UNC13C: variants seen among roughly 807,000 people sequenced by gnomAD.
The protein encoded by UNC13C is protein unc-13 homolog C.
Under a neutral mutation model 245.4 loss-of-function variants are expected in UNC13C, and 174 were observed. The observed-to-expected ratio is 0.71, with a 90% CI of 0.63 to 0.80. The LOEUF (loss-of-function observed/expected upper bound fraction) is 0.80. Ranked by LOEUF, UNC13C falls within the 30% of genes least tolerant of loss-of-function variation. UNC13C has a pLI of 0.00. For missense variants in UNC13C, 2,829 were observed against 2,602.9 expected (o/e 1.09, Z -1.89); for synonymous variants, 992 against 895.1 (o/e 1.11, Z -1.93).
chr15:53,985,952 C>T (rs983061455), intron 1 of UNC13C, among the ~76,000 whole-genome samples: 21 of 151,998 alleles, frequency 1.4e-4, no homozygotes, highest in South Asian at 4.1e-4. Flanking sequence ...CTGAGCACAT[C>T]GAATGTGTTT....
intron 20 of UNC13C, among the ~76,000 whole-genome samples, chr15:54,496,430 A>G (rs995859578): frequency 6.6e-6 from 1 of 152,138 alleles, no homozygotes; most frequent in Non-Finnish European, 1.5e-5. Context: ...CATTTAATCC[A>G]GCAATCCCAC....
chr15:54,147,820 G>A (rs970873400), intron 4 of UNC13C, among the ~76,000 whole-genome samples: 12 of 151,736 alleles, frequency 7.9e-5, no homozygotes, highest in African/African-American at 2.7e-4. Flanking sequence ...GTATGTGTGT[G>A]TCTATTCTCT....
chr15:54,487,986 G>A (rs976663913), intron 19 of UNC13C, among the ~76,000 whole-genome samples: 3 of 151,120 alleles, frequency 2.0e-5, no homozygotes, highest in Non-Finnish European at 4.4e-5. Context: ...ACTTTTGGCA[G>A]CCAGGATTTT....
chr15:54,595,862 T>C (rs11631067), intron 30 of UNC13C, among the ~76,000 whole-genome samples: 21,762 of 152,248 alleles, frequency 0.14, 1,628 homozygotes, highest in Middle Eastern at 0.24. Flanking sequence ...TATAGAAATG[T>C]AGCCAAATAA....
At chr15:53,975,788 G>T (rs1365288134), upstream of UNC13C, among the ~76,000 whole-genome samples, 1 of 152,166 alleles carries the variant, frequency 6.6e-6, no homozygotes, top group African/African-American at 2.4e-5. Context: ...TGGTACCCTA[G>T]AGGTTTTATT....
intron 18 of UNC13C, among the ~76,000 whole-genome samples, chr15:54,407,155 T>C (rs1461610790): frequency 6.6e-6 from 1 of 152,188 alleles, no homozygotes; most frequent in East Asian, 1.9e-4. Flanking sequence ...TGATGGCCTG[T>C]GTTTTTAAAA....
At chr15:53,932,222 T>C in the UNC13C span, among the ~76,000 whole-genome samples, 2 of 151,952 alleles carry the variant, frequency 1.3e-5, no homozygotes, top group African/African-American at 4.8e-5. Context: ...GGCAGGAGAA[T>C]CGCTTGAACC....
At chr15:53,909,285 C>G in the UNC13C span, among the ~76,000 whole-genome samples, 8 of 146,202 alleles carry the variant, frequency 5.5e-5, no homozygotes, top group African/African-American at 2.0e-4. Flanking sequence ...TTTTTTTAAC[C>G]ATTTTATCAT....
chr15:54,243,634 A>T (rs1254248489), intron 7 of UNC13C, among the ~76,000 whole-genome samples: 1 of 152,118 alleles, frequency 6.6e-6, no homozygotes, highest in Non-Finnish European at 1.5e-5. Flanking sequence ...CCATGCCAGC[A>T]TCTGTTGTTT....
chr15:54,029,842 G>A (rs1896281502), intron 2 of UNC13C, among the ~76,000 whole-genome samples: 1 of 152,104 alleles, frequency 6.6e-6, no homozygotes, highest in Non-Finnish European at 1.5e-5. Flanking sequence ...AGAGCATATG[G>A]TCATGCTCAG....
chr15:53,880,696 CTTTT>C, the UNC13C span, among the ~76,000 whole-genome samples: 1 of 141,400 alleles, frequency 7.1e-6, no homozygotes. Flanking sequence ...GCTTTGTCAT[CTTTT>C]TTTTTTTTTT....
intron 13 of UNC13C, 113 bp from the exon 14 acceptor site, chr15:54,321,826 C>G: frequency 1.0e-5 from 11 of 1,079,274 alleles, no homozygotes; most frequent in Non-Finnish European, 1.4e-5. Context: ...GTGCAGTTTT[C>G]TCTCCTTTTC....
chr15:53,989,207 C>G (rs1252735122), intron 1 of UNC13C, among the ~76,000 whole-genome samples: 2 of 151,794 alleles, frequency 1.3e-5, no homozygotes, highest in Admixed American at 1.3e-4. Context: ...AAATTGTGAT[C>G]AAATATTTCT....
At chr15:54,514,840 T>A (rs531453853) in intron 24 of UNC13C, among the ~76,000 whole-genome samples, 1 of 152,306 alleles carries the variant, frequency 6.6e-6, no homozygotes, top group Admixed American at 6.5e-5. Context: ...GGGATTATGT[T>A]GTTGACAATG....
At chr15:54,137,085 C>A (rs528293709) in intron 2 of UNC13C, among the ~76,000 whole-genome samples, 1 of 152,334 alleles carries the variant, frequency 6.6e-6, no homozygotes, top group Non-Finnish European at 1.5e-5. Flanking sequence ...CCGTAGTGAT[C>A]TGCCCACTTG....
intron 2 of UNC13C, among the ~76,000 whole-genome samples, chr15:54,053,342 T>A (rs1030969537): frequency 6.6e-6 from 1 of 152,172 alleles, no homozygotes; most frequent in African/African-American, 2.4e-5. Context: ...TAAATTTTCT[T>A]ATTCTTAACT....
the UNC13C span, among the ~76,000 whole-genome samples, chr15:53,939,767 G>A: frequency 6.6e-6 from 1 of 151,990 alleles, no homozygotes; most frequent in Non-Finnish European, 1.5e-5. Flanking sequence ...TGCAGAAAAG[G>A]CCTTCAATAA....
chr15:54,595,416 A>G (rs941483671), intron 30 of UNC13C, among the ~76,000 whole-genome samples: 1 of 151,966 alleles, frequency 6.6e-6, no homozygotes, highest in Non-Finnish European at 1.5e-5. Context: ...GCAGCACTCA[A>G]AGTATTTGGG....
At chr15:54,500,052 G>A in intron 20 of UNC13C, 27 bp from the exon 21 acceptor site, 1 of 1,513,666 alleles carries the variant, frequency 6.6e-7, no homozygotes, top group Non-Finnish European at 9.0e-7. Context: ...GTCCTTTGTG[G>A]TATGTAACAT....
Sources: allele counts gnomAD v4.1 joint callset (sites outside exome capture counted in the v4.1 genomes callset), GRCh38; gene constraint gnomAD v4.1.1; transcripts MANE v1.5; gene names NCBI Gene and HGNC (gene_info 2026-07-23, HGNC 2026-07-21).